The following CCNY variants were observed in gnomAD, a reference collection of about 807,000 sequenced individuals.
The protein encoded by CCNY is cyclin Y.
Under a neutral mutation model 42.8 loss-of-function variants are expected in CCNY, and 19 were observed. The observed-to-expected ratio is 0.44, with a 90% CI of 0.31 to 0.65. The LOEUF is 0.65. CCNY is among the 30% of genes least tolerant of loss of function. CCNY has a pLI of 0.07. For missense variants in CCNY, 370 were observed against 437.3 expected (o/e 0.85, Z 1.37); for synonymous variants, 165 against 162.7 (o/e 1.01, Z -0.11).
chr10:35,442,287 T>G (rs1200286606), intron 1 of CCNY, among the ~76,000 whole-genome samples: 1 of 152,178 alleles, frequency 6.6e-6, no homozygotes, highest in Non-Finnish European at 1.5e-5. Flanking sequence ...GAAAATTAGG[T>G]AACCTTGAAT....
chr10:35,284,069 A>G (rs1444381392), intron 3 of CCNY, among the ~76,000 whole-genome samples: 2 of 152,152 alleles, frequency 1.3e-5, no homozygotes, highest in Non-Finnish European at 2.9e-5. Context: ...GGAAGACAGA[A>G]TGAGACTGTC....
chr10:35,402,632 A>T (rs949639583), intron 1 of CCNY, among the ~76,000 whole-genome samples: 1 of 152,246 alleles, frequency 6.6e-6, no homozygotes, highest in Non-Finnish European at 1.5e-5. Context: ...TCTAGGAGAC[A>T]GTGAATTTGA....
chr10:35,306,103 C>T (rs1017410109), intron 3 of CCNY, among the ~76,000 whole-genome samples: 5 of 152,132 alleles, frequency 3.3e-5, no homozygotes, highest in Non-Finnish European at 5.9e-5. Context: ...GGTGCAATCT[C>T]GGCTCACTGC....
chr10:35,525,841 T>G, intron 4 of CCNY, 123 bp from the exon 5 acceptor site: 1 of 764,920 alleles, frequency 1.3e-6, no homozygotes, highest in African/African-American at 1.8e-5. Context: ...GAGATGGGAC[T>G]GTTCAGAAAG....
intron 8 of CCNY, among the ~76,000 whole-genome samples, chr10:35,562,735 A>G (rs1256082873): frequency 6.6e-6 from 1 of 152,062 alleles, no homozygotes; most frequent in Non-Finnish European, 1.5e-5. Flanking sequence ...CACTTGGGTT[A>G]CCTCCACATT....
At chr10:35,254,874 G>T in intron 3 of CCNY, among the ~76,000 whole-genome samples, 1 of 145,812 alleles carries the variant, frequency 6.9e-6, no homozygotes, top group African/African-American at 2.6e-5. Flanking sequence ...GAAAAAAAAA[G>T]GTGTGTTGTT....
intron 1 of CCNY, among the ~76,000 whole-genome samples, chr10:35,381,341 C>T (rs1725644997): frequency 6.6e-6 from 1 of 152,030 alleles, no homozygotes; most frequent in African/African-American, 2.4e-5. Context: ...GGGTGGATCA[C>T]CTGAGGTCAG....
chr10:35,544,145 C>A (rs1841063221), intron 7 of CCNY, among the ~76,000 whole-genome samples: 1 of 152,112 alleles, frequency 6.6e-6, no homozygotes, highest in African/African-American at 2.4e-5. Context: ...AAATGTACAG[C>A]ATTTATCAAG....
At chr10:35,362,608 T>C (rs1836710217) in intron 1 of CCNY, among the ~76,000 whole-genome samples, 1 of 152,138 alleles carries the variant, frequency 6.6e-6, no homozygotes, top group Non-Finnish European at 1.5e-5. Flanking sequence ...AATTTAAAAC[T>C]TTTAATTAAA....
chr10:35,284,946 G>T (rs1835336706), intron 3 of CCNY, among the ~76,000 whole-genome samples: 1 of 151,872 alleles, frequency 6.6e-6, no homozygotes, highest in Non-Finnish European at 1.5e-5. Context: ...TCAGTTCCAG[G>T]TTACTTTCAT....
intron 3 of CCNY, among the ~76,000 whole-genome samples, chr10:35,320,651 T>C (rs140272096): frequency 6.6e-6 from 1 of 152,084 alleles, no homozygotes; most frequent in Non-Finnish European, 1.5e-5. Flanking sequence ...AAGAAAACCA[T>C]ACAGATTGAA....
intron 1 of CCNY, among the ~76,000 whole-genome samples, chr10:35,360,333 C>A (rs1836656171): frequency 7.3e-6 from 1 of 137,466 alleles, no homozygotes; most frequent in Admixed American, 8.0e-5. Context: ...GTCACCCAAG[C>A]TGGAGTGTAG....
chr10:35,410,905 GTGT>G (rs1474125309), intron 1 of CCNY, among the ~76,000 whole-genome samples: 2 of 152,322 alleles, frequency 1.3e-5, no homozygotes, highest in Admixed American at 1.3e-4. Context: ...AGTATACTTG[GTGT>G]TGTTGGATTT....
At chr10:35,472,427 A>G (rs1321087804) in intron 1 of CCNY, among the ~76,000 whole-genome samples, 4 of 152,218 alleles carry the variant, frequency 2.6e-5, no homozygotes, top group African/African-American at 9.6e-5. Context: ...TTATAGAGTC[A>G]GTCTTGATGG....
At chr10:35,474,855 C>T (rs1327805041) in intron 1 of CCNY, among the ~76,000 whole-genome samples, 22 of 152,054 alleles carry the variant, frequency 1.4e-4, no homozygotes, top group East Asian at 3.9e-4. Flanking sequence ...CTCTGAGCTA[C>T]GGGAGGACAT....
intron 3 of CCNY, among the ~76,000 whole-genome samples, chr10:35,277,896 G>A (rs1352409772): frequency 2.6e-5 from 4 of 152,082 alleles, no homozygotes; most frequent in Non-Finnish European, 5.9e-5. Flanking sequence ...ATGAGGCTGG[G>A]GAGGGCCCAT....
intron 3 of CCNY, among the ~76,000 whole-genome samples, chr10:35,279,888 G>C (rs1039907901): frequency 4.3e-4 from 65 of 152,188 alleles, no homozygotes; most frequent in Non-Finnish European, 7.3e-5. Flanking sequence ...CTAACCCCCT[G>C]TTATGGCTCC....
chr10:35,328,287 T>A (rs925135124), intron 3 of CCNY, among the ~76,000 whole-genome samples: 24 of 152,156 alleles, frequency 1.6e-4, no homozygotes, highest in Non-Finnish European at 7.3e-5. Flanking sequence ...GCTATACAGA[T>A]GTTACGGAAC....
chr10:35,494,672 C>G (rs1034099094), intron 2 of CCNY, among the ~76,000 whole-genome samples: 3 of 152,086 alleles, frequency 2.0e-5, no homozygotes, highest in Non-Finnish European at 2.9e-5. Context: ...GGATTAATGC[C>G]TTTATGTATT....
Sources: gnomAD v4.1 joint callset for allele counts (sites outside exome capture counted in the v4.1 genomes callset) on GRCh38, gnomAD v4.1.1 for gene constraint, MANE v1.5 for transcripts, NCBI Gene and HGNC (gene_info 2026-07-23, HGNC 2026-07-21) for gene names.